NKAIN3: variants seen among roughly 807,000 people sequenced by gnomAD.
The protein encoded by NKAIN3 is sodium/potassium-transporting ATPase subunit beta-1-interacting protein 3.
A neutral mutation model predicts 30.2 loss-of-function variants in NKAIN3; 25 were observed. The observed-to-expected ratio is 0.83, with a 90% CI of 0.60 to 1.16. The LOEUF (loss-of-function observed/expected upper bound fraction) is 1.16, where lower values mean the gene tolerates loss of function less well. NKAIN3 is among the 50% of genes most tolerant of loss of function. NKAIN3 has a pLI of 0.00. For synonymous variants in NKAIN3, 91 were observed against 89.6 expected (o/e 1.02, Z -0.09); for missense variants, 225 against 254.1 (o/e 0.89, Z 0.78).
At chr8:62,579,206 T>G (rs1485344985) in intron 1 of NKAIN3, among the ~76,000 whole-genome samples, 1 of 151,956 alleles carries the variant, frequency 6.6e-6, no homozygotes, top group Non-Finnish European at 1.5e-5. Context: ...AACATAATTT[T>G]TAATATAAAA....
At chr8:62,796,380 T>C (rs1817860559) in intron 4 of NKAIN3, among the ~76,000 whole-genome samples, 2 of 62,776 alleles carry the variant, frequency 3.2e-5, no homozygotes, top group Admixed American at 2.7e-4. Flanking sequence ...TGAGACTCTG[T>C]CTCAAAAAAA....
At chr8:62,381,821 C>A (rs1177663839) in intron 1 of NKAIN3, among the ~76,000 whole-genome samples, 3 of 151,516 alleles carry the variant, frequency 2.0e-5, no homozygotes, top group African/African-American at 7.3e-5. Context: ...TGAATATCTT[C>A]TTAATATTTT....
intron 5 of NKAIN3, among the ~76,000 whole-genome samples, chr8:62,926,752 G>C (rs1229126005): frequency 6.6e-6 from 1 of 152,108 alleles, no homozygotes; most frequent in East Asian, 1.9e-4. Context: ...AAAGCAGTGG[G>C]AATGATTTCC....
intron 1 of NKAIN3, among the ~76,000 whole-genome samples, chr8:62,405,318 A>G (rs1196020976): frequency 6.6e-6 from 1 of 152,214 alleles, no homozygotes; most frequent in African/African-American, 2.4e-5. Context: ...AGCCCAGCAC[A>G]GTACCAAGAC....
intron 1 of NKAIN3, among the ~76,000 whole-genome samples, chr8:62,495,317 G>A (rs879915636): frequency 6.6e-6 from 1 of 152,144 alleles, no homozygotes; most frequent in African/African-American, 2.4e-5. Flanking sequence ...TGGTCAATAT[G>A]CCAGTAAAAG....
intron 3 of NKAIN3, among the ~76,000 whole-genome samples, chr8:62,743,389 C>G (rs1289358620): frequency 2.0e-5 from 3 of 152,014 alleles, no homozygotes; most frequent in Admixed American, 1.3e-4. Flanking sequence ...GGGTGTGATA[C>G]TTTTTTCCCC....
In NKAIN3 at chr8:62,337,301, T is replaced by C. The variant is rs143594415; in HGVS notation, c.54+88174T>C. 1.5e-3 allele frequency among the ~76,000 whole-genome samples: 222 copies of C among 152,138 alleles called. 1 individual carries two copies. Among genetic ancestry groups the C allele is most frequent in the African/African-American group, 5.0e-3 (206 of 41,528 alleles). On this transcript the variant is annotated intron_variant, in intron 1 of 6. Coordinates refer to ENST00000623646, the MANE Select transcript of NKAIN3 (RefSeq NM_001304533.3). Reference sequence around the variant, plus strand: ...CCTTACTGGATATTTTGCCCGGAAATGGTATCAGATAACTTGTGGCCATTC... The same window carrying C: ...CCTTACTGGATATTTTGCCCGGAAACGGTATCAGATAACTTGTGGCCATTC...
chr8:62,816,548 G>T (rs1016301033), intron 4 of NKAIN3, among the ~76,000 whole-genome samples: 2 of 152,116 alleles, frequency 1.3e-5, no homozygotes, highest in Non-Finnish European at 1.5e-5. Context: ...GGCAGCTCTT[G>T]GTTCTGGGGA....
At chr8:62,893,673 T>C (rs1380243686) in intron 4 of NKAIN3, among the ~76,000 whole-genome samples, 2 of 136,478 alleles carry the variant, frequency 1.5e-5, no homozygotes, top group Non-Finnish European at 3.2e-5. Context: ...CGTGCACACA[T>C]ATGCACATAT....
In NKAIN3 at chr8:62,911,041, C is replaced by T. The variant is rs116529434; in HGVS notation, c.472-7412C>T. Among the ~76,000 whole-genome samples, 1,269 of 152,058 alleles carry T rather than the reference C, an allele frequency of 8.3e-3. 18 individuals are homozygous for T. The highest frequency in any genetic ancestry group is 0.03 in the African/African-American group (1,228 of 41,492). ...ACGTATTTCCTGTCAAAGAGGCTAA[C>T]AATATGTTAACGTATACTTTAGGCA... On this transcript the variant is annotated intron_variant, in intron 4 of 6. Transcript: ENST00000623646.
At chr8:62,396,549 CA>C (rs1817772600) in intron 1 of NKAIN3, among the ~76,000 whole-genome samples, 2 of 152,188 alleles carry the variant, frequency 1.3e-5, no homozygotes. Flanking sequence ...ATGTGTTTAT[CA>C]TAGTATTTTT....
chr8:62,586,333 G>A (rs572922767), intron 2 of NKAIN3, among the ~76,000 whole-genome samples: 1 of 152,214 alleles, frequency 6.6e-6, no homozygotes, highest in South Asian at 2.1e-4. Flanking sequence ...TGGGATGTTT[G>A]TTTGCTTTCC....
chr8:62,269,223 C>CTA (rs1375073923), intron 1 of NKAIN3, among the ~76,000 whole-genome samples: 1 of 152,182 alleles, frequency 6.6e-6, no homozygotes, highest in Non-Finnish European at 1.5e-5. Flanking sequence ...TATGGCCATG[C>CTA]TATATATCAA....
At chr8:62,433,328 A>G (rs1306588459) in intron 1 of NKAIN3, among the ~76,000 whole-genome samples, 2 of 152,154 alleles carry the variant, frequency 1.3e-5, no homozygotes, top group Non-Finnish European at 2.9e-5. Context: ...ATCAGCTCAC[A>G]GAATTTGGTT....
chr8:62,583,603 A>G (rs987318374), intron 2 of NKAIN3, among the ~76,000 whole-genome samples: 2 of 152,212 alleles, frequency 1.3e-5, no homozygotes, highest in African/African-American at 4.8e-5. Flanking sequence ...GACTAGCCCA[A>G]GGAACACAGG....
At chr8:62,352,738 T>C (rs562045518) in intron 1 of NKAIN3, among the ~76,000 whole-genome samples, 5 of 152,314 alleles carry the variant, frequency 3.3e-5, no homozygotes, top group Admixed American at 6.5e-5. Flanking sequence ...GAGGACACTG[T>C]ACATCATGTT....
intron 5 of NKAIN3, among the ~76,000 whole-genome samples, chr8:62,947,944 A>C (rs1236388862): frequency 6.6e-6 from 1 of 152,232 alleles, no homozygotes; most frequent in African/African-American, 2.4e-5. Context: ...ACGTGCCAAT[A>C]CATGAGCAAA....
intron 5 of NKAIN3, among the ~76,000 whole-genome samples, chr8:62,945,685 C>T (rs1823104052): frequency 6.6e-6 from 1 of 152,168 alleles, no homozygotes; most frequent in South Asian, 2.1e-4. Context: ...GGAGGTCTTA[C>T]ATTCACTTGG....
At chr8:62,588,637 G>A (rs916747411) in intron 2 of NKAIN3, among the ~76,000 whole-genome samples, 9 of 151,602 alleles carry the variant, frequency 5.9e-5, no homozygotes, top group Admixed American at 5.3e-4. Context: ...TAATTCTATT[G>A]TTTGGCACAG....
Sources: allele counts gnomAD v4.1 joint callset (sites outside exome capture counted in the v4.1 genomes callset), GRCh38; gene constraint gnomAD v4.1.1; transcripts MANE v1.5; gene names NCBI Gene and HGNC (gene_info 2026-07-23, HGNC 2026-07-21).